Variants in SLC4A4 observed in about 807,000 individuals in gnomAD.
SLC4A4 encodes electrogenic sodium bicarbonate cotransporter 1.
Under a neutral mutation model 111.5 loss-of-function variants are expected in SLC4A4, and 27 were observed. The ratio of observed to expected loss-of-function variants is 0.24; its 90% CI spans 0.18 to 0.33. The LOEUF (loss-of-function observed/expected upper bound fraction) is 0.33. Among genes scored for constraint, SLC4A4 ranks in the 10% least tolerant of loss-of-function variants. The pLI, the probability that SLC4A4 is intolerant of heterozygous loss-of-function variation, is 1.00. For missense variants in SLC4A4, 909 were observed against 1,315.5 expected, an observed-to-expected ratio of 0.69 and a Z score of 4.78; for synonymous variants, 443 against 463.4, an observed-to-expected ratio of 0.96 and a Z score of 0.57.
intron 1 of SLC4A4, among the ~76,000 whole-genome samples, chr4:71,069,571 A>G (rs1361568727): frequency 6.6e-6 from 1 of 152,078 alleles, no homozygotes; most frequent in Non-Finnish European, 1.5e-5. Context: ...ATTGGCAGCT[A>G]TTTGCATTTC....
At chr4:71,482,334 G>A (rs1044777012) in intron 14 of SLC4A4, among the ~76,000 whole-genome samples, 2 of 151,516 alleles carry the variant, frequency 1.3e-5, no homozygotes, top group African/African-American at 4.8e-5. Flanking sequence ...TCCTTTTGAT[G>A]CTGGTCTTTT....
intron 18 of SLC4A4, among the ~76,000 whole-genome samples, chr4:71,545,459 C>T (rs953677582): frequency 3.0e-4 from 46 of 151,978 alleles, no homozygotes; most frequent in Admixed American, 5.9e-4. Context: ...GCTCTATTTT[C>T]TCAGGCTCCA....
intron 10 of SLC4A4, among the ~76,000 whole-genome samples, chr4:71,450,796 T>C (rs1369311102): frequency 6.6e-6 from 1 of 152,236 alleles, no homozygotes; most frequent in African/African-American, 2.4e-5. Flanking sequence ...CATGGGAATG[T>C]ATCACAGACA....
chr4:71,253,813 GT>G (rs534425648), intron 2 of SLC4A4, among the ~76,000 whole-genome samples: 173 of 152,312 alleles, frequency 1.1e-3, no homozygotes, highest in African/African-American at 3.9e-3. Flanking sequence ...GTTGCTGCGT[GT>G]GTGTTGGGAA....
chr4:71,160,310 T>G (rs1453678989), intron 2 of SLC4A4, among the ~76,000 whole-genome samples: 1 of 151,512 alleles, frequency 6.6e-6, no homozygotes, highest in Non-Finnish European at 1.5e-5. Flanking sequence ...ATCTTATTCA[T>G]GTGTCTGGGT....
chr4:71,342,972 T>C (rs1350091052), intron 4 of SLC4A4, among the ~76,000 whole-genome samples: 1 of 152,204 alleles, frequency 6.6e-6, no homozygotes, highest in African/African-American at 2.4e-5. Context: ...ATAACTTCTC[T>C]TTATAGGGCT....
chr4:71,568,979 A>G lies in SLC4A4; in HGVS notation c.*1228A>G, dbSNP rs116277651. ...TCTAGGTACAGATGCTGGTTGTATTACCACGTCAATGTCCTATGCAGTATT... is the reference window on the plus strand; with the variant it reads ...TCTAGGTACAGATGCTGGTTGTATTGCCACGTCAATGTCCTATGCAGTATT... On this transcript the variant is annotated 3_prime_UTR_variant, in exon 26 of 26. Transcript: ENST00000264485. 2.5e-3 allele frequency: 376 copies of G among 151,884 alleles called. 2 individuals are homozygous for G. Among genetic ancestry groups the G allele is most frequent in the African/African-American group, 8.5e-3 (354 of 41,514 alleles). The allele number at this position is 151,884 out of a possible 1,614,324, so 9.4% of individuals were successfully genotyped here. A position where few individuals can be genotyped will look rare whatever the true frequency, so the allele number is the denominator to read the frequency against.
intron 6 of SLC4A4, among the ~76,000 whole-genome samples, chr4:71,359,323 T>A (rs996341398): frequency 2.0e-5 from 3 of 152,236 alleles, no homozygotes; most frequent in African/African-American, 7.2e-5. Context: ...CTTTTCCAGC[T>A]CTTCAGCTGA....
chr4:71,304,050 T>C (rs1013742336), intron 3 of SLC4A4, among the ~76,000 whole-genome samples: 1 of 152,222 alleles, frequency 6.6e-6, no homozygotes, highest in African/African-American at 2.4e-5. Flanking sequence ...TTCATAGAGC[T>C]AGTATGTGGC....
chr4:71,158,097 C>CTGTGTGTGTGTGTG (rs139897656), intron 2 of SLC4A4, among the ~76,000 whole-genome samples: 1 of 137,080 alleles, frequency 7.3e-6, no homozygotes, highest in African/African-American at 2.8e-5. Flanking sequence ...ATCCTTGACT[C>CTGTGTGTGTGTGTG]TGTGTGTGTG....
intron 16 of SLC4A4, among the ~76,000 whole-genome samples, chr4:71,509,451 T>G (rs560625709): frequency 1.3e-5 from 2 of 152,176 alleles, no homozygotes; most frequent in South Asian, 4.2e-4. Context: ...TCATTTGGTA[T>G]AGTATATTGG....
chr4:71,244,153 T>C (rs780602438), intron 2 of SLC4A4, among the ~76,000 whole-genome samples: 1 of 152,214 alleles, frequency 6.6e-6, no homozygotes, highest in Non-Finnish European at 1.5e-5. Context: ...TTGAATCTAA[T>C]GGATACGTGT....
At chr4:71,539,300 A>T (rs1734840444) in intron 18 of SLC4A4, among the ~76,000 whole-genome samples, 2 of 151,580 alleles carry the variant, frequency 1.3e-5, no homozygotes, top group African/African-American at 4.8e-5. Context: ...TTTAAATGCT[A>T]TTCTTGTATG....
intron 2 of SLC4A4, among the ~76,000 whole-genome samples, chr4:71,177,084 C>A (rs1745118474): frequency 6.6e-6 from 1 of 152,096 alleles, no homozygotes; most frequent in Non-Finnish European, 1.5e-5. Context: ...AACTAAGCTT[C>A]ATAATTGAAG....
At position 71,450,555 on chromosome 4, in the gene SLC4A4, G is replaced by A. The variant is rs1482419151; in HGVS notation, c.1208+12G>A. 3.7e-6 allele frequency: 6 copies of A among 1,611,496 alleles called. No individual in the cohort carries two copies. In the South Asian group the frequency reaches 4.4e-5, roughly 12 times the overall value. ...TCCTCTGACAAAAGGTAAATTATAG[G>A]CAGTTGATAATTTTCAGTAGCTGAG... On this transcript the variant is annotated intron_variant, in intron 10 of 25. Transcript: ENST00000264485.
intron 3 of SLC4A4, among the ~76,000 whole-genome samples, chr4:71,256,000 A>C (rs1057039519): frequency 3.3e-5 from 5 of 152,188 alleles, no homozygotes; most frequent in African/African-American, 9.6e-5. Context: ...GCAGGAGGTC[A>C]AAGAACACCC....
intron 3 of SLC4A4, among the ~76,000 whole-genome samples, chr4:71,258,703 G>A (rs558498415): frequency 7.9e-5 from 12 of 152,050 alleles, no homozygotes; most frequent in African/African-American, 2.7e-4. Context: ...CTGGAACATC[G>A]TATTTATATT....
chr4:71,067,436 G>A lies in SLC4A4; in HGVS notation c.-65+4648G>A, dbSNP rs568028611. ...GCTCTAAAACAAATATTATTCAAAC[G>A]TATATCTTGATTATTGGCTATTTTG... On this transcript the variant is annotated intron_variant, in intron 1 of 26. Coordinates refer to the SLC4A4 transcript ENST00000649996. Among the ~76,000 whole-genome samples the A allele has an allele frequency of 3.9e-5, 6 of 152,190 alleles. No individual in the cohort carries two copies. In the South Asian group the frequency reaches 8.3e-4, roughly 21 times the overall value.
chr4:71,348,916 T>C lies in SLC4A4; in HGVS notation c.390-996T>C, dbSNP rs115718601. ...TCATTAAGCCTTTGGGTGAAGAATG[T>C]AGAAAAACAATTTTTATTCCATCTT... On this transcript the variant is annotated intron_variant, in intron 4 of 25. Transcript: ENST00000264485. Among the ~76,000 whole-genome samples the C allele has an allele frequency of 5.5e-3, 834 of 152,324 alleles. 2 individuals carry two copies. The highest frequency in any genetic ancestry group is 7.1e-3 in the Non-Finnish European group (480 of 68,020).
Sources: gnomAD v4.1 joint callset for allele counts (sites outside exome capture counted in the v4.1 genomes callset) on GRCh38, gnomAD v4.1.1 for gene constraint, MANE v1.5 for transcripts, NCBI Gene and HGNC (gene_info 2026-07-23, HGNC 2026-07-21) for gene names.